Variants in PRKG1 observed in about 807,000 individuals in gnomAD.
PRKG1 encodes cGMP-dependent protein kinase 1.
PRKG1 carries 35 observed loss-of-function variants against 88.1 expected under a neutral mutation model. The observed-to-expected ratio is 0.40, with a 90% confidence interval of 0.30 to 0.53. The LOEUF (loss-of-function observed/expected upper bound fraction) is 0.53. Ranked by LOEUF, PRKG1 falls within the 20% of genes least tolerant of loss-of-function variation. The pLI is 0.59. For synonymous variants in PRKG1, 303 were observed against 292.5 expected (o/e 1.04, Z -0.37); for missense variants, 540 against 839.8 (o/e 0.64, Z 4.41).
intron 5 of PRKG1, among the ~76,000 whole-genome samples, chr10:52,014,400 A>G (rs774180017): frequency 9.2e-5 from 14 of 152,144 alleles, no homozygotes; most frequent in Non-Finnish European, 1.8e-4. Flanking sequence ...CACTATCCCT[A>G]TCATGATAAC....
intron 2 of PRKG1, among the ~76,000 whole-genome samples, chr10:51,436,831 C>T (rs79757963): frequency 6.6e-6 from 1 of 152,034 alleles, no homozygotes; most frequent in Non-Finnish European, 1.5e-5. Context: ...TCAATCATCA[C>T]TAGAGACCTG....
At chr10:51,031,711 C>G (rs1366756736) in intron 1 of PRKG1, among the ~76,000 whole-genome samples, 1 of 152,118 alleles carries the variant, frequency 6.6e-6, no homozygotes, top group Non-Finnish European at 1.5e-5. Flanking sequence ...TATCCAAGAT[C>G]ACAAGACCAG....
chr10:52,173,365 G>A (rs1013125033), intron 9 of PRKG1, among the ~76,000 whole-genome samples: 1 of 152,034 alleles, frequency 6.6e-6, no homozygotes, highest in Non-Finnish European at 1.5e-5. Flanking sequence ...ATGATAATAA[G>A]CCCTGCTATC....
intron 2 of PRKG1, among the ~76,000 whole-genome samples, chr10:51,353,416 A>T (rs1842295535): frequency 6.6e-6 from 1 of 152,186 alleles, no homozygotes; most frequent in Non-Finnish European, 1.5e-5. Flanking sequence ...GGGATTAATA[A>T]CGAGAATATA....
At chr10:51,312,608 T>C (rs967635754) in intron 2 of PRKG1, among the ~76,000 whole-genome samples, 2 of 152,170 alleles carry the variant, frequency 1.3e-5, no homozygotes, top group African/African-American at 4.8e-5. Context: ...TCTGCACATG[T>C]CTGAAGGACC....
rs190112886 is a variant in PRKG1 at position 51,881,589 on chromosome 10, A to G, written c.699-25918A>G. ...AGGCCTCTTATCACCTAGCCTTAGA[A>G]CTGGCATAGCCATTCTATTTATTAG... On this transcript the variant is annotated intron_variant, in intron 4 of 17. Coordinates refer to ENST00000373980, the MANE Select transcript of PRKG1 (RefSeq NM_006258.4). 2.6e-5 allele frequency among the ~76,000 whole-genome samples: 4 copies of G among 152,280 alleles called. No individual in the cohort carries two copies. In the East Asian group the frequency reaches 7.7e-4, roughly 29 times the overall value.
chr10:51,466,455 T>C (rs1476633449), intron 2 of PRKG1, among the ~76,000 whole-genome samples: 1 of 152,096 alleles, frequency 6.6e-6, no homozygotes, highest in Non-Finnish European at 1.5e-5. Context: ...TTATTCTAAT[T>C]ACTGCAGAAT....
intron 9 of PRKG1, among the ~76,000 whole-genome samples, chr10:52,188,616 T>C (rs1221972372): frequency 6.6e-6 from 1 of 152,108 alleles, no homozygotes; most frequent in Non-Finnish European, 1.5e-5. Context: ...ATTTACACTA[T>C]TCATTATAAT....
At chr10:52,249,842 A>AG (rs397847817) in intron 9 of PRKG1, among the ~76,000 whole-genome samples, 2 of 151,716 alleles carry the variant, frequency 1.3e-5, no homozygotes, top group African/African-American at 4.8e-5. Flanking sequence ...AAAAACAAAA[A>AG]GCAAAAAACA....
In PRKG1 at chr10:51,068,747, A is replaced by G. The variant is rs1244733440; in HGVS notation, c.266+77103A>G. Among the ~76,000 whole-genome samples, 3 of 152,004 alleles carry G rather than the reference A, an allele frequency of 2.0e-5. No individual in the cohort carries two copies. In the East Asian group the frequency reaches 5.8e-4, roughly 29 times the overall value. ...GAAAATATTGATGATTTACCTTAGT[A>G]AAAGATGCACATTTAATATACCAGA... On this transcript the variant is annotated intron_variant, in intron 1 of 17. Transcript: ENST00000401604.
intron 4 of PRKG1, among the ~76,000 whole-genome samples, chr10:51,903,934 T>G (rs1203394517): frequency 6.6e-6 from 1 of 152,144 alleles, no homozygotes; most frequent in Non-Finnish European, 1.5e-5. Flanking sequence ...GAATGGCTAT[T>G]TGATAAGGTT....
At position 51,187,512 on chromosome 10, in the gene PRKG1, T is replaced by A. The variant is rs145859918; in HGVS notation, c.478+34182T>A. On this transcript the variant is annotated intron_variant, in intron 2 of 17. Coordinates refer to ENST00000373980, the MANE Select transcript of PRKG1 (RefSeq NM_006258.4). ...TCTCAGACATTCAGATTTTACCATG[T>A]ATTTGCTTGTCTTACCACCCAAATT... 7.7e-4 allele frequency among the ~76,000 whole-genome samples: 117 copies of A among 152,168 alleles called. 1 individual carries two copies. In the East Asian group the frequency reaches 0.018, roughly 24 times the overall value.
chr10:51,466,389 A>G (rs1038966362), intron 2 of PRKG1, among the ~76,000 whole-genome samples: 2 of 152,044 alleles, frequency 1.3e-5, no homozygotes, highest in Non-Finnish European at 2.9e-5. Context: ...ATTTCTTTAC[A>G]TACAGAGGGG....
intron 4 of PRKG1, among the ~76,000 whole-genome samples, chr10:51,825,850 AC>A (rs1839869000): frequency 6.6e-6 from 1 of 152,032 alleles, no homozygotes; most frequent in Non-Finnish European, 1.5e-5. Flanking sequence ...AAGGCTCAAA[AC>A]CGTCTCATCC....
intron 2 of PRKG1, among the ~76,000 whole-genome samples, chr10:51,369,100 A>G (rs952843778): frequency 6.6e-6 from 1 of 152,094 alleles, no homozygotes; most frequent in Non-Finnish European, 1.5e-5. Context: ...TCAGCTGAAA[A>G]TCACTGCCGT....
chr10:51,580,858 C>T (rs914540291), intron 3 of PRKG1, among the ~76,000 whole-genome samples: 3 of 152,038 alleles, frequency 2.0e-5, no homozygotes, highest in African/African-American at 7.2e-5. Context: ...ACCTACTTGA[C>T]ACCAAGCGGG....
chr10:51,462,407 C>A (rs1588981917), intron 2 of PRKG1, among the ~76,000 whole-genome samples: 1 of 152,144 alleles, frequency 6.6e-6, no homozygotes, highest in East Asian at 1.9e-4. Context: ...TAAGGATAAA[C>A]AAAGCCGGGA....
At chr10:51,698,209 C>A in intron 3 of PRKG1, 1 of 1,614,176 alleles carries the variant, frequency 6.2e-7, no homozygotes, top group Non-Finnish European at 8.5e-7. Flanking sequence ...TTGCTTCCAT[C>A]CCTCTGGTTT....
At chr10:51,372,747 T>A (rs1408518979) in intron 2 of PRKG1, among the ~76,000 whole-genome samples, 4 of 152,188 alleles carry the variant, frequency 2.6e-5, no homozygotes, top group Non-Finnish European at 5.9e-5. Context: ...AATTGAGATA[T>A]AATTTTATCA....
Sources: gnomAD v4.1 joint callset for allele counts (sites outside exome capture counted in the v4.1 genomes callset) on GRCh38, gnomAD v4.1.1 for gene constraint, MANE v1.5 for transcripts, NCBI Gene and HGNC (gene_info 2026-07-23, HGNC 2026-07-21) for gene names.